The following CNTN5 variants were observed in gnomAD, a reference collection of about 807,000 sequenced individuals.
CNTN5 encodes the protein contactin 5.
Under a neutral mutation model 129.1 loss-of-function variants are expected in CNTN5, and 77 were observed. That is an observed-to-expected ratio of 0.60 (90% CI 0.50 to 0.72). The LOEUF (loss-of-function observed/expected upper bound fraction) is 0.72, where lower values mean the gene tolerates loss of function less well. Ranked by LOEUF, CNTN5 falls within the 30% of genes least tolerant of loss-of-function variation. The pLI is 0.00. For missense variants in CNTN5, 1,478 were observed against 1,328.8 expected, an observed-to-expected ratio of 1.11 and a Z score of -1.75; for synonymous variants, 509 against 465.6, an observed-to-expected ratio of 1.09 and a Z score of -1.20.
chr11:99,197,837 A>G (rs753916088), intron 1 of CNTN5, among the ~76,000 whole-genome samples: 40 of 152,136 alleles, frequency 2.6e-4, no homozygotes, highest in Middle Eastern at 3.2e-3. Context: ...TTATTTTCTA[A>G]TAGTAGAGAT....
intron 21 of CNTN5, chr11:100,337,685 T>C (rs1952062813): frequency 3.4e-6 from 2 of 591,628 alleles, no homozygotes; most frequent in Non-Finnish European, 6.6e-6. Context: ...CAATCTGTTT[T>C]CTCCAGCTGT....
At chr11:99,429,720 C>A (rs770506965) in intron 2 of CNTN5, among the ~76,000 whole-genome samples, 5 of 151,848 alleles carry the variant, frequency 3.3e-5, no homozygotes, top group African/African-American at 7.3e-5. Flanking sequence ...TCCTGGTTCT[C>A]CAAAAAGGAG....
intron 9 of CNTN5, among the ~76,000 whole-genome samples, chr11:100,059,210 C>A (rs987322247): frequency 6.6e-6 from 1 of 151,982 alleles, no homozygotes; most frequent in African/African-American, 2.4e-5. Context: ...ACTTACATTC[C>A]CTATGTCACA....
At chr11:99,257,575 T>A (rs1862432063) in intron 1 of CNTN5, among the ~76,000 whole-genome samples, 1 of 152,094 alleles carries the variant, frequency 6.6e-6, no homozygotes, top group African/African-American at 2.4e-5. Context: ...TGTAATTTTT[T>A]ATTCATTTAT....
In CNTN5 at chr11:99,021,637, A is replaced by G. The variant is rs1196251410; in HGVS notation, c.-210+367A>G. The stretch of plus-strand genomic sequence containing the variant: ...AGAAACTAAATGTTTGGAAAATAGG[A>G]TGCCGTTCTCAGGTACTGAATGTAT... On this transcript the variant is annotated intron_variant, in intron 1 of 24. Transcript: ENST00000524871. Among the ~76,000 whole-genome samples the G allele has an allele frequency of 2.6e-5, 4 of 152,334 alleles. No homozygotes were observed. In the South Asian group the frequency reaches 6.2e-4, roughly 24 times the overall value.
At chr11:99,171,611 G>A (rs1392766436) in intron 1 of CNTN5, among the ~76,000 whole-genome samples, 4 of 152,128 alleles carry the variant, frequency 2.6e-5, no homozygotes, top group African/African-American at 9.7e-5. Flanking sequence ...AGACAATCAA[G>A]TCACCTGAAG....
chr11:99,735,450 A>G (rs1202356004), intron 3 of CNTN5, among the ~76,000 whole-genome samples: 2 of 152,256 alleles, frequency 1.3e-5, no homozygotes, highest in African/African-American at 2.4e-5. Context: ...AAAATTTCCT[A>G]TGAATGCTGT....
At chr11:99,781,658 C>G (rs1268558198) in intron 3 of CNTN5, among the ~76,000 whole-genome samples, 1 of 151,980 alleles carries the variant, frequency 6.6e-6, no homozygotes, top group Non-Finnish European at 1.5e-5. Context: ...ACTCAATGAA[C>G]AATTATGGGT....
chr11:99,690,870 C>T (rs905129878), intron 3 of CNTN5, among the ~76,000 whole-genome samples: 1 of 152,114 alleles, frequency 6.6e-6, no homozygotes, highest in Non-Finnish European at 1.5e-5. Flanking sequence ...TACAATTCAG[C>T]TCTCAGCCTG....
intron 3 of CNTN5, among the ~76,000 whole-genome samples, chr11:99,780,384 T>C (rs1475028182): frequency 6.6e-6 from 1 of 152,102 alleles, no homozygotes; most frequent in East Asian, 1.9e-4. Flanking sequence ...GAAATTTGCT[T>C]AGAAAATAAT....
chr11:99,408,448 G>GAAAGAAAGAAAGAGAAAGAAAGAAAGAA (rs71305322), intron 2 of CNTN5, among the ~76,000 whole-genome samples: 44 of 78,106 alleles, frequency 5.6e-4, no homozygotes, highest in African/African-American at 1.5e-3. Flanking sequence ...AAGAAAGAAA[G>GAAAGAAAGAAAGAGAAAGAAAGAAAGAA]AGAAAGAAAG....
intron 2 of CNTN5, among the ~76,000 whole-genome samples, chr11:99,341,879 G>A (rs371344121): frequency 3.3e-5 from 5 of 151,954 alleles, no homozygotes; most frequent in East Asian, 3.9e-4. Flanking sequence ...GACAAACCAC[G>A]GCTGAAGAAA....
chr11:99,996,473 A>G (rs1939451056), intron 8 of CNTN5, among the ~76,000 whole-genome samples: 1 of 152,044 alleles, frequency 6.6e-6, no homozygotes, highest in Non-Finnish European at 1.5e-5. Flanking sequence ...ATCTAATATC[A>G]CTTCCCTTCA....
intron 9 of CNTN5, among the ~76,000 whole-genome samples, chr11:100,040,607 G>A (rs989175646): frequency 1.3e-5 from 2 of 152,212 alleles, no homozygotes; most frequent in East Asian, 1.9e-4. Flanking sequence ...TTGAGCTGTG[G>A]TGGGCTCCAC....
At chr11:99,218,498 C>G (rs1211402658) in intron 1 of CNTN5, among the ~76,000 whole-genome samples, 4 of 151,998 alleles carry the variant, frequency 2.6e-5, no homozygotes, top group Admixed American at 2.6e-4. Context: ...ATTGTCCAAA[C>G]GAGGACACTT....
intron 2 of CNTN5, among the ~76,000 whole-genome samples, chr11:99,401,691 T>C (rs1287076687): frequency 1.3e-5 from 2 of 152,144 alleles, no homozygotes; most frequent in African/African-American, 2.4e-5. Flanking sequence ...ATTTTAACAA[T>C]ATTGATTCTT....
chr11:99,715,623 TAAAC>T (rs1379414744), intron 3 of CNTN5, among the ~76,000 whole-genome samples: 5 of 151,964 alleles, frequency 3.3e-5, no homozygotes, highest in African/African-American at 9.7e-5. Flanking sequence ...CAAGGAGTAA[TAAAC>T]AAAAAGAAAG....
chr11:99,490,746 C>CA (rs1946003529), intron 2 of CNTN5, among the ~76,000 whole-genome samples: 1 of 152,122 alleles, frequency 6.6e-6, no homozygotes, highest in Non-Finnish European at 1.5e-5. Flanking sequence ...GGATGGCCAC[C>CA]ATGTGGTGAG....
At chr11:99,314,453 A>T (rs1865249326) in intron 1 of CNTN5, among the ~76,000 whole-genome samples, 2 of 152,258 alleles carry the variant, frequency 1.3e-5, no homozygotes, top group South Asian at 4.1e-4. Flanking sequence ...CTCATTCCAA[A>T]TAACTACTTT....
Sources: allele counts gnomAD v4.1 joint callset (sites outside exome capture counted in the v4.1 genomes callset), GRCh38; gene constraint gnomAD v4.1.1; transcripts MANE v1.5; gene names NCBI Gene and HGNC (gene_info 2026-07-23, HGNC 2026-07-21).